GSAP: variants seen among roughly 807,000 people sequenced by gnomAD.
The protein encoded by GSAP is gamma-secretase activating protein.
Under a neutral mutation model 131.7 loss-of-function variants are expected in GSAP, and 118 were observed. The ratio of observed to expected loss-of-function variants is 0.90; its 90% confidence interval spans 0.77 to 1.04. The LOEUF is 1.04. GSAP is among the 50% of genes least tolerant of loss of function. GSAP has a pLI of 0.00. For missense variants in GSAP, 1,019 were observed against 1,013.2 expected, an observed-to-expected ratio of 1.01 and a Z score of -0.08; for synonymous variants, 381 against 363.4, an observed-to-expected ratio of 1.05 and a Z score of -0.55.
At chr7:77,335,697 GCCTTT>G in intron 19 of GSAP, among the ~76,000 whole-genome samples, 1 of 151,840 alleles carries the variant, frequency 6.6e-6, no homozygotes, top group East Asian at 1.9e-4. Flanking sequence ...AAAAAAATCT[GCCTTT>G]CATTTCTAAA....
intron 11 of GSAP, among the ~76,000 whole-genome samples, chr7:77,374,794 G>A (rs1796611729): frequency 6.6e-6 from 1 of 152,152 alleles, no homozygotes. Context: ...GCAGGGAGAA[G>A]GGTATATCCT....
At chr7:77,398,567 A>G (rs1431019118) in intron 3 of GSAP, among the ~76,000 whole-genome samples, 1 of 152,194 alleles carries the variant, frequency 6.6e-6, no homozygotes, top group African/African-American at 2.4e-5. Context: ...AAAAAGTCAA[A>G]GCCAGCCTGG....
At chr7:77,385,325 C>A (rs1354662830) in intron 6 of GSAP, among the ~76,000 whole-genome samples, 2 of 152,148 alleles carry the variant, frequency 1.3e-5, no homozygotes, top group Admixed American at 6.5e-5. Flanking sequence ...TGAGCCACTG[C>A]GCCCAGCCAC....
In GSAP at chr7:77,381,587, T is replaced by C. The variant is rs867315104; in HGVS notation, c.527-233A>G. ...ATTTCAAGTCCTGCATTTATTCTGC[T>C]CCTCAATATCAACAATACATGAAGT... On this transcript the variant is annotated intron_variant, in intron 7 of 30. Transcript: ENST00000257626. 2.6e-4 allele frequency among the ~76,000 whole-genome samples: 39 copies of C among 152,170 alleles called. 1 individual carries two copies. The highest frequency in any genetic ancestry group is 8.9e-4 in the African/African-American group (37 of 41,446).
intron 10 of GSAP, among the ~76,000 whole-genome samples, chr7:77,375,540 C>G (rs1329806212): frequency 6.6e-6 from 1 of 152,130 alleles, no homozygotes; most frequent in African/African-American, 2.4e-5. Context: ...TAGATAGCAA[C>G]ATTAGTCCTA....
At chr7:77,314,642 T>C in intron 26 of GSAP, 153 bp from the exon 27 acceptor site, 1 of 716,028 alleles carries the variant, frequency 1.4e-6, no homozygotes, top group East Asian at 2.9e-5. Flanking sequence ...AGTTTCCTTC[T>C]CTGTATTATT....
chr7:77,409,990 C>T (rs145783755), intron 1 of GSAP, among the ~76,000 whole-genome samples: 8 of 152,238 alleles, frequency 5.3e-5, no homozygotes, highest in African/African-American at 1.9e-4. Context: ...TTTTATTGAG[C>T]TGGTGTGGAG....
intron 5 of GSAP, among the ~76,000 whole-genome samples, chr7:77,392,133 G>C (rs1799650196): frequency 6.6e-6 from 1 of 151,982 alleles, no homozygotes; most frequent in South Asian, 2.1e-4. Flanking sequence ...GCTGAGGCAG[G>C]AGAATCTGAA....
chr7:77,407,098 G>C (rs1031191954), intron 1 of GSAP, among the ~76,000 whole-genome samples: 1 of 152,232 alleles, frequency 6.6e-6, no homozygotes, highest in Non-Finnish European at 1.5e-5. Context: ...CGGATTTGGG[G>C]AGGGCAGCTT....
Position 77,387,402 on chromosome 7 carries a change from A to G in GSAP, c.414T>C (p.Asn138=), listed in dbSNP as rs1339947912. The G allele has an allele frequency of 2.5e-5, 40 of 1,605,702 alleles. No individual in the cohort carries two copies. The highest frequency in any genetic ancestry group is 3.3e-5 in the Non-Finnish European group (39 of 1,172,512). Reference sequence around the variant, plus strand: ...TATCCACAGCCTTTAGAACCTTCACATTGTTAACAGGGTGGATTTCAACCA... The same window carrying G: ...TATCCACAGCCTTTAGAACCTTCACGTTGTTAACAGGGTGGATTTCAACCA... ...TLLVEIHPVN[N]VKVLKAVDSY... Residue 138 remains asparagine (N), a synonymous_variant, in exon 6 of 31, where the codon AAT becomes AAC. Transcript: ENST00000257626.
At position 77,313,569 on chromosome 7, in the gene GSAP, T is replaced by C; in HGVS notation, c.2210-20A>G. On this transcript the variant is annotated intron_variant, in intron 27 of 30. Transcript: ENST00000257626. ...CCAGATCTACAAGAAAGTTAGAGAT[T>C]AGCAAATGAAACAAATACCCATTTT... 1.6e-6 allele frequency: 2 copies of C among 1,263,030 alleles called. No homozygotes were observed. Among genetic ancestry groups the C allele is most frequent in the Non-Finnish European group, 2.3e-6 (2 of 870,668 alleles). 78.2% of individuals were successfully genotyped at this position (1,263,030 alleles called of 1,614,324 possible).
At chr7:77,360,956 C>T (rs776996652) in intron 13 of GSAP, 55 bp from the exon 14 acceptor site, 1 of 983,626 alleles carries the variant, frequency 1.0e-6, no homozygotes, top group African/African-American at 1.6e-5. Context: ...TGGAACTCCA[C>T]CCAAGGCAGT....
At chr7:77,397,152 G>A in intron 4 of GSAP, 117 bp from the exon 5 acceptor site, 1 of 721,530 alleles carries the variant, frequency 1.4e-6, no homozygotes, top group Non-Finnish European at 2.4e-6. Context: ...CGGAAGATAA[G>A]GGCAGAACAC....
At chr7:77,312,266 T>C in intron 28 of GSAP, 64 bp from the exon 29 acceptor site, 3 of 738,776 alleles carry the variant, frequency 4.1e-6, no homozygotes, top group Non-Finnish European at 6.7e-6. Flanking sequence ...ACACACCTTA[T>C]ATCTATTCAT....
At chr7:77,319,095 G>T (rs1042286083) in intron 26 of GSAP, among the ~76,000 whole-genome samples, 15 of 152,032 alleles carry the variant, frequency 9.9e-5, no homozygotes, top group Non-Finnish European at 1.5e-5. Context: ...AAAAGGAAAC[G>T]ATCCAAAGAG....
chr7:77,377,258 A>AAAAAAAAG, intron 9 of GSAP, 28 bp downstream of exon 9: 2 of 1,400,722 alleles, frequency 1.4e-6, no homozygotes, highest in Non-Finnish European at 1.9e-6. Flanking sequence ...AAAAAAAAAA[A>AAAAAAAAG]GGAGTGCCCG....
chr7:77,391,765 G>A (rs539578154), intron 5 of GSAP, among the ~76,000 whole-genome samples: 1 of 152,276 alleles, frequency 6.6e-6, no homozygotes, highest in Non-Finnish European at 1.5e-5. Flanking sequence ...GGCCAGGGAG[G>A]TCGAGGCTAT....
chr7:77,385,774 G>A (rs1243580964), intron 6 of GSAP, among the ~76,000 whole-genome samples: 3 of 152,200 alleles, frequency 2.0e-5, no homozygotes, highest in Admixed American at 1.3e-4. Context: ...GGAAGAGAGA[G>A]ACAACCCTCT....
At chr7:77,412,717 A>G (rs1031059150) in intron 1 of GSAP, among the ~76,000 whole-genome samples, 2 of 151,690 alleles carry the variant, frequency 1.3e-5, no homozygotes, top group Non-Finnish European at 2.9e-5. Flanking sequence ...AGTGGCCAGT[A>G]AATACATAGA....
Sources: gnomAD v4.1 joint callset for allele counts (sites outside exome capture counted in the v4.1 genomes callset) on GRCh38, gnomAD v4.1.1 for gene constraint, MANE v1.5 for transcripts, NCBI Gene and HGNC (gene_info 2026-07-23, HGNC 2026-07-21) for gene names.